The following SERPINA9 variants were observed in gnomAD, a reference collection of about 807,000 sequenced individuals.
SERPINA9 encodes the protein serpin A9.
SERPINA9 carries 32 observed loss-of-function variants against 24.5 expected under a neutral mutation model. The observed-to-expected ratio is 1.30, with a 90% CI of 0.98 to 1.75. SERPINA9 has a LOEUF of 1.75. SERPINA9 is among the 40% of genes most tolerant of loss of function. The pLI, the probability that SERPINA9 is intolerant of heterozygous loss-of-function variation, is 0.00. For missense variants in SERPINA9, 594 were observed against 497.1 expected (o/e 1.19, Z -1.85); for synonymous variants, 233 against 197.7 (o/e 1.18, Z -1.50).
At chr14:94,476,018 C>A in intron 1 of SERPINA9, 118 bp downstream of exon 1, 1 of 1,490,274 alleles carries the variant, frequency 6.7e-7, no homozygotes, top group Non-Finnish European at 9.2e-7. Context: ...TGTCTAGGTT[C>A]TCATCTTATT....
intron 3 of SERPINA9, 59 bp downstream of exon 3, chr14:94,467,050 C>A: frequency 6.4e-7 from 1 of 1,554,336 alleles, no homozygotes; most frequent in South Asian, 1.2e-5. Flanking sequence ...ATCTCTCCCT[C>A]ATCTTTGAAT....
intron 4 of SERPINA9, chr14:94,464,419 A>C: frequency 2.0e-6 from 1 of 490,720 alleles, no homozygotes; most frequent in African/African-American, 2.0e-5. Flanking sequence ...TCAGGGAGGA[A>C]GAAAGTGAGG....
intron 1 of SERPINA9, among the ~76,000 whole-genome samples, chr14:94,471,646 G>T (rs1236061826): frequency 1.3e-5 from 2 of 152,054 alleles, no homozygotes; most frequent in African/African-American, 4.8e-5. Context: ...TTCTTTCTAA[G>T]TTACATTCGC....
intron 1 of SERPINA9, among the ~76,000 whole-genome samples, chr14:94,471,105 C>T (rs1293426484): frequency 7.4e-6 from 1 of 135,268 alleles, no homozygotes; most frequent in African/African-American, 2.7e-5. Context: ...GGATGTCCTT[C>T]CCCCCATCAT....
chr14:94,464,745 A>G lies in SERPINA9; in HGVS notation c.1012T>C (p.Ser338Pro). 5.6e-6 allele frequency: 9 copies of G among 1,613,926 alleles called. No homozygotes were observed. The highest frequency in any genetic ancestry group is 7.6e-6 in the Non-Finnish European group (9 of 1,179,814). ...AGGGAGTCTCTCTTTGCAATTCCAG[A>G]AAAATCAGCATTTTTGTCAAAGACA... ...QNVFDKNADF[S>P]GIAKRDSLQV... is the part of the protein sequence containing the mutation. The change falls in exon 4 of 5, where the codon TCT becomes CCT. Residue 338 changes from serine (S) to proline (P), a missense_variant. Ser to Pro is a moderately conservative substitution (Grantham distance 74). Coordinates refer to ENST00000674397, the MANE Select transcript of SERPINA9 (RefSeq NM_175739.4).
At chr14:94,476,073 A>G in intron 1 of SERPINA9, 63 bp downstream of exon 1, 2 of 1,612,698 alleles carry the variant, frequency 1.2e-6, no homozygotes, top group Admixed American at 1.7e-5. Context: ...GCTCTGATCC[A>G]GTCCTTCCCT....
At chr14:94,474,209 A>G (rs1226021256) in intron 1 of SERPINA9, among the ~76,000 whole-genome samples, 2 of 152,188 alleles carry the variant, frequency 1.3e-5, no homozygotes, top group Non-Finnish European at 2.9e-5. Flanking sequence ...GCAGTGGGGC[A>G]GGTGGCTCTC....
intron 2 of SERPINA9, among the ~76,000 whole-genome samples, chr14:94,468,214 A>G (rs1007338242): frequency 6.6e-6 from 1 of 152,180 alleles, no homozygotes; most frequent in Non-Finnish European, 1.5e-5. Context: ...GGATGGATGG[A>G]TGAACTGATG....
intron 1 of SERPINA9, among the ~76,000 whole-genome samples, chr14:94,472,166 C>T (rs1021202496): frequency 2.0e-5 from 3 of 152,148 alleles, no homozygotes; most frequent in Admixed American, 2.0e-4. Context: ...GGCCCCACTG[C>T]TGGCCAGTGA....
intron 1 of SERPINA9, among the ~76,000 whole-genome samples, chr14:94,474,662 G>T (rs1427780197): frequency 6.6e-6 from 1 of 152,070 alleles, no homozygotes; most frequent in Non-Finnish European, 1.5e-5. Flanking sequence ...CAAGGCCCTT[G>T]CCCCTCTTTT....
intron 3 of SERPINA9, among the ~76,000 whole-genome samples, chr14:94,466,383 G>A (rs543639753): frequency 4.5e-4 from 69 of 152,194 alleles, no homozygotes; most frequent in African/African-American, 1.5e-3. Flanking sequence ...CTGCCCTCCC[G>A]TGGGGCATTG....
chr14:94,466,485 A>G (rs1289588746), intron 3 of SERPINA9, among the ~76,000 whole-genome samples: 1 of 152,230 alleles, frequency 6.6e-6, no homozygotes, highest in Non-Finnish European at 1.5e-5. Context: ...AAATCATTCT[A>G]AGATGCCAAA....
chr14:94,472,934 C>T lies in SERPINA9; in HGVS notation c.-17-3077G>A, dbSNP rs189815540. On this transcript the variant is annotated intron_variant, in intron 1 of 4. Transcript: ENST00000674397. ...ACACAGATTTCAGCACCACAGAAGCCGGCAGGAAGGGCTGGGGAGCAGGAG... is the reference window on the plus strand; with the variant it reads ...ACACAGATTTCAGCACCACAGAAGCTGGCAGGAAGGGCTGGGGAGCAGGAG... 1.2e-3 allele frequency among the ~76,000 whole-genome samples: 179 copies of T among 152,254 alleles called. 4 individuals carry two copies. Among genetic ancestry groups the T allele is most frequent in the Admixed American group, 0.011 (170 of 15,302 alleles).
chr14:94,470,715 C>A (rs1595670156), intron 1 of SERPINA9, among the ~76,000 whole-genome samples: 1 of 152,198 alleles, frequency 6.6e-6, no homozygotes, highest in East Asian at 1.9e-4. Context: ...CGGGACCCAG[C>A]ACATGGTGAG....
Position 94,469,351 on chromosome 14 carries a change from C to A in SERPINA9, c.490G>T (p.Asp164Tyr). Residue 164 changes from aspartate to tyrosine, a missense_variant, in exon 2 of 5, where the codon GAT (aspartate) becomes TAT (tyrosine). Physicochemically the swap from Asp to Tyr is radical, Grantham distance 160. Transcript: ENST00000674397. Reference protein sequence around the residue: ...RLYEAEVFSTDFSNPSIAQAR... With the variant: ...RLYEAEVFSTYFSNPSIAQAR... Reference sequence around the variant, plus strand: ...TGGGCAATGGAGGGGTTGGAGAAATCTGTAGAAAAGACTTCTGCTTCATAC... The same window carrying A: ...TGGGCAATGGAGGGGTTGGAGAAATATGTAGAAAAGACTTCTGCTTCATAC... 1 of 1,614,200 alleles carries A rather than the reference C, an allele frequency of 6.2e-7. No individual in the cohort carries two copies.
In SERPINA9 at chr14:94,467,178, T is replaced by C. The variant is rs747482522; in HGVS notation, c.833A>G (p.Lys278Arg). Residue 278 changes from lysine to arginine, a missense_variant, in exon 3 of 5, where the codon AAG becomes AGG. Transcript: ENST00000674397. ...VAFFVLPSKGKMRQLEQALSA... is the reference protein window; with the variant it reads ...VAFFVLPSKGRMRQLEQALSA... ...CAAGGCCTGTTCCAGTTGCCTCATCTTGCCCTTGCTAGGGAGGACAAAGAA... is the reference window on the plus strand; with the variant it reads ...CAAGGCCTGTTCCAGTTGCCTCATCCTGCCCTTGCTAGGGAGGACAAAGAA... 6.2e-7 allele frequency: 1 copy of C among 1,614,230 alleles called. No homozygotes were observed. Among genetic ancestry groups the C allele is most frequent in the East Asian group, 2.2e-5 (1 of 44,894 alleles).
Position 94,467,217 on chromosome 14 carries a change from C to T in SERPINA9, c.794G>A (p.Gly265Glu). The change falls in exon 3 of 5, where the codon GGA becomes GAA. Residue 265 changes from glycine (G) to glutamate (E), a missense_variant. Gly to Glu is a moderately conservative substitution (Grantham distance 98). Transcript: ENST00000674397. The stretch of plus-strand genomic sequence containing the variant: ...GAGGACAAAGAAGGCCACGGCATCT[C>T]CCTTGTAATCCATCTGCAGCACAAA... ...NCFVLQMDYK[G>E]DAVAFFVLPS... The T allele has an allele frequency of 6.2e-7, 1 of 1,614,224 alleles. No individual in the cohort carries two copies. Among genetic ancestry groups the T allele is most frequent in the Non-Finnish European group, 8.5e-7 (1 of 1,180,040 alleles).
chr14:94,469,647 C>T lies in SERPINA9; in HGVS notation c.194G>A (p.Ser65Asn), dbSNP rs771270945. The change falls in exon 2 of 5, where the codon AGT becomes AAT. Residue 65 changes from serine to asparagine, a missense_variant. Ser to Asn is a conservative substitution (Grantham distance 46, BLOSUM62 1). Coordinates refer to ENST00000674397, the MANE Select transcript of SERPINA9 (RefSeq NM_175739.4). Reference sequence around the variant, plus strand: ...CACAGGGGAGAAGAAGATGTTCTGACTCGGGGTCTCCAAAACCAGCCTGCG... The same window carrying T: ...CACAGGGGAGAAGAAGATGTTCTGATTCGGGGTCTCCAAAACCAGCCTGCG... ...LYRRLVLETP[S>N]QNIFFSPVSV... 2.7e-5 allele frequency: 43 copies of T among 1,613,916 alleles called. No individual in the cohort carries two copies. In the East Asian group the frequency reaches 6.9e-4, roughly 26 times the overall value.
At chr14:94,465,105 C>A (rs1319994225) in intron 3 of SERPINA9, among the ~76,000 whole-genome samples, 8 of 152,126 alleles carry the variant, frequency 5.3e-5, no homozygotes, top group Non-Finnish European at 1.2e-4. Context: ...GGTGAAAAAG[C>A]AGTCAGCAAG....
Sources: allele counts gnomAD v4.1 joint callset (sites outside exome capture counted in the v4.1 genomes callset), GRCh38; gene constraint gnomAD v4.1.1; transcripts MANE v1.5; gene names NCBI Gene and HGNC (gene_info 2026-07-23, HGNC 2026-07-21).